Variants in MEI4 observed in about 807,000 individuals in gnomAD.
MEI4 encodes the protein meiosis-specific protein MEI4.
In MEI4, 27 loss-of-function variants were observed where a neutral mutation model predicts 31.4. The ratio of observed to expected loss-of-function variants is 0.86; its 90% CI spans 0.63 to 1.19. The LOEUF (loss-of-function observed/expected upper bound fraction) is 1.19. MEI4 is among the 50% of genes most tolerant of loss of function. The probability of loss-of-function intolerance (pLI) is 0.00; values close to 1 mark genes in which losing one functional copy is unlikely to be tolerated. For synonymous variants in MEI4, 122 were observed against 145.4 expected (o/e 0.84, Z 1.16); for missense variants, 329 against 398.9 (o/e 0.82, Z 1.49).
At chr6:77,684,235 C>A (rs754999571) in intron 1 of MEI4, among the ~76,000 whole-genome samples, 1 of 151,936 alleles carries the variant, frequency 6.6e-6, no homozygotes, top group African/African-American at 2.4e-5. Flanking sequence ...AATTTTAAAA[C>A]TCTTACGTTT....
chr6:77,694,170 T>C (rs899304041), intron 2 of MEI4, among the ~76,000 whole-genome samples: 3 of 152,110 alleles, frequency 2.0e-5, no homozygotes, highest in Admixed American at 6.6e-5. Context: ...AATCATGTTA[T>C]GCTAAACATT....
chr6:77,885,183 CTT>C (rs1006306194), intron 4 of MEI4, among the ~76,000 whole-genome samples: 10 of 139,312 alleles, frequency 7.2e-5, no homozygotes, highest in East Asian at 2.1e-4. Flanking sequence ...GCTAGTGACT[CTT>C]TTTTTTTTTT....
intron 4 of MEI4, among the ~76,000 whole-genome samples, chr6:77,877,283 T>A (rs1199453411): frequency 6.6e-6 from 1 of 151,868 alleles, no homozygotes; most frequent in Non-Finnish European, 1.5e-5. Flanking sequence ...ATATATATAT[T>A]TTATATATAA....
At position 77,883,460 on chromosome 6, in the gene MEI4, C is replaced by A. The variant is rs114498146; in HGVS notation, c.901-39629C>A. 9.3e-3 allele frequency among the ~76,000 whole-genome samples: 1,415 copies of A among 151,610 alleles called. 16 individuals are homozygous for A. Among genetic ancestry groups the A allele is most frequent in the African/African-American group, 0.032 (1,311 of 41,352 alleles). On this transcript the variant is annotated intron_variant, in intron 4 of 4. Coordinates refer to ENST00000684080, the MANE Select transcript of MEI4 (RefSeq NM_001322247.2). ...CATCTCCAACCCCACCCCGCCTCCC[C>A]CCGTGAGCCTCTGCTAAATACCATT...
At chr6:77,728,854 A>G (rs776820696) in intron 2 of MEI4, among the ~76,000 whole-genome samples, 2 of 152,210 alleles carry the variant, frequency 1.3e-5, no homozygotes, top group Admixed American at 1.3e-4. Context: ...CTTTCAATAC[A>G]GTGGGAATTC....
chr6:77,860,753 C>T (rs12664006), intron 4 of MEI4, among the ~76,000 whole-genome samples: 14,005 of 152,096 alleles, frequency 0.092, 941 homozygotes, highest in East Asian at 0.31. Flanking sequence ...CCACTTTTCA[C>T]GGTCTCCTCT....
intron 1 of MEI4, among the ~76,000 whole-genome samples, chr6:77,664,637 A>G (rs1422684042): frequency 1.3e-5 from 2 of 152,034 alleles, no homozygotes; most frequent in African/African-American, 4.8e-5. Flanking sequence ...GTAGAAAGGA[A>G]GATTAGAAAG....
At chr6:77,768,192 TC>T (rs1350543169) in intron 3 of MEI4, among the ~76,000 whole-genome samples, 1 of 152,198 alleles carries the variant, frequency 6.6e-6, no homozygotes, top group Admixed American at 6.5e-5. Context: ...CTGAATATTT[TC>T]CTCTTGATAT....
In MEI4 at chr6:77,781,664, A is replaced by C. The variant is rs1384180116; in HGVS notation, c.768+19999A>C. On this transcript the variant is annotated intron_variant, in intron 3 of 4. Transcript: ENST00000684080. ...GCAATTATTTCATTTAATCTTTATA[A>C]CAATCCAGGAAAGGTATTTTATTAT... Among the ~76,000 whole-genome samples the C allele has an allele frequency of 3.3e-5, 5 of 152,184 alleles. No homozygotes were observed. In the East Asian group the frequency reaches 9.6e-4, roughly 29 times the overall value.
chr6:77,732,476 C>A (rs575321223), intron 2 of MEI4, among the ~76,000 whole-genome samples: 1 of 151,994 alleles, frequency 6.6e-6, no homozygotes, highest in Non-Finnish European at 1.5e-5. Context: ...GCACATTGAT[C>A]TTGTATCCTG....
rs1176209694 is a variant in MEI4 at position 77,746,435 on chromosome 6, G to A, written c.233-14695G>A. ...AAGTAAGGGGGGACTCCTCTTGCTC[G>A]AATGCCTTGAGCTGGGACATGGCAT... is the stretch of plus-strand genomic sequence containing the variant. On this transcript the variant is annotated intron_variant, in intron 2 of 4. Transcript: ENST00000684080. Among the ~76,000 whole-genome samples the A allele has an allele frequency of 7.2e-5, 11 of 152,082 alleles. No homozygotes were observed. The East Asian group carries it at 1.7e-3, about 24-fold the overall frequency.
At chr6:77,741,243 G>A (rs558568814) in intron 2 of MEI4, among the ~76,000 whole-genome samples, 4 of 152,202 alleles carry the variant, frequency 2.6e-5, no homozygotes, top group Admixed American at 6.5e-5. Context: ...GGAGAAGGAC[G>A]AAGGGGCCAC....
chr6:77,831,516 T>C (rs1044255240), intron 4 of MEI4, among the ~76,000 whole-genome samples: 1 of 150,802 alleles, frequency 6.6e-6, no homozygotes, highest in Non-Finnish European at 1.5e-5. Flanking sequence ...TTTATATATA[T>C]ATATATATAC....
At chr6:77,683,063 G>A (rs1768987156) in intron 1 of MEI4, among the ~76,000 whole-genome samples, 1 of 151,948 alleles carries the variant, frequency 6.6e-6, no homozygotes, top group African/African-American at 2.4e-5. Flanking sequence ...TATTCCCCTT[G>A]TCTACACCTA....
chr6:77,729,469 G>C (rs1173312375), intron 2 of MEI4, among the ~76,000 whole-genome samples: 11 of 152,172 alleles, frequency 7.2e-5, no homozygotes, highest in African/African-American at 2.7e-4. Flanking sequence ...TAGGATGTGG[G>C]TTAGTATTGG....
chr6:77,884,399 AT>A (rs1472817220), intron 4 of MEI4, among the ~76,000 whole-genome samples: 7 of 151,808 alleles, frequency 4.6e-5, no homozygotes, highest in African/African-American at 1.7e-4. Context: ...GTTGCTTGTG[AT>A]TTTGAATTTA....
rs1030068756 is a variant in MEI4, at chr6:77,830,200, A to G, written c.900+1138A>G. 9.9e-5 allele frequency among the ~76,000 whole-genome samples: 15 copies of G among 152,066 alleles called. 1 individual carries two copies. ...AAATGCATTTGAATTGAATGAGCAG[A>G]GGGTAACTGAATGTAGAGGCATTAG... On this transcript the variant is annotated intron_variant, in intron 4 of 4. Transcript: ENST00000684080.
At chr6:77,679,228 G>A (rs923863580) in intron 1 of MEI4, among the ~76,000 whole-genome samples, 19 of 152,038 alleles carry the variant, frequency 1.2e-4, no homozygotes, top group Non-Finnish European at 2.1e-4. Context: ...AATGTGCTAG[G>A]CCTTCACATT....
intron 3 of MEI4, among the ~76,000 whole-genome samples, chr6:77,790,309 G>C (rs895987126): frequency 3.3e-5 from 5 of 151,134 alleles, no homozygotes; most frequent in African/African-American, 4.9e-5. Context: ...GTTAAATGAC[G>C]AGTTAATGGG....
Sources: allele counts gnomAD v4.1 joint callset (sites outside exome capture counted in the v4.1 genomes callset), GRCh38; gene constraint gnomAD v4.1.1; transcripts MANE v1.5; gene names NCBI Gene and HGNC (gene_info 2026-07-23, HGNC 2026-07-21).